Variants in EFHC2 observed in about 807,000 individuals in gnomAD.
The protein encoded by EFHC2 is EF-hand domain containing 2, also known as EF-hand domain-containing family member C2.
EFHC2 carries 18 observed loss-of-function variants against 52.7 expected under a neutral mutation model. That is an observed-to-expected ratio of 0.34 (90% CI 0.24 to 0.51). The LOEUF (loss-of-function observed/expected upper bound fraction) is 0.51. Ranked by LOEUF, EFHC2 falls within the 20% of genes least tolerant of loss-of-function variation. The pLI is 0.97. For synonymous variants in EFHC2, 203 were observed against 204.1 expected, an observed-to-expected ratio of 0.99 and a Z score of 0.04; for missense variants, 513 against 562.5, an observed-to-expected ratio of 0.91 and a Z score of 0.89.
chrX:44,230,866 C>T (rs1468368048), intron 10 of EFHC2, among the ~76,000 whole-genome samples: 1 of 111,694 alleles, frequency 9.0e-6, no homozygotes, highest in Admixed American at 9.5e-5. Context: ...GCTTCATACA[C>T]ATTATCACAT....
At chrX:44,164,656 G>GA (rs926888780) in intron 13 of EFHC2, among the ~76,000 whole-genome samples, 14 of 111,599 alleles carry the variant, frequency 1.3e-4, no homozygotes, top group South Asian at 3.7e-4. Context: ...TTAAAAAACA[G>GA]AAAAAATATG....
chrX:44,246,786 C>G (rs2037404345), intron 7 of EFHC2, among the ~76,000 whole-genome samples: 1 of 111,931 alleles, frequency 8.9e-6, no homozygotes, highest in African/African-American at 3.3e-5. Flanking sequence ...AGCTGACAGA[C>G]AAACATCAAC....
chrX:44,278,054 G>T (rs1484168724), intron 2 of EFHC2, among the ~76,000 whole-genome samples: 1 of 111,980 alleles, frequency 8.9e-6, no homozygotes, highest in African/African-American at 3.2e-5. Flanking sequence ...CCTTGGCTAT[G>T]CATTGGGAAC....
chrX:44,230,156 T>C (rs2037264837), intron 10 of EFHC2, among the ~76,000 whole-genome samples: 1 of 111,190 alleles, frequency 9.0e-6, no homozygotes, highest in Non-Finnish European at 1.9e-5. Context: ...TAGCCCTCCA[T>C]TTTCTCTAGA....
At chrX:44,229,611 A>C in intron 11 of EFHC2, 38 bp downstream of exon 11, 3 of 1,205,230 alleles carry the variant, frequency 2.5e-6, no homozygotes, top group South Asian at 1.8e-5. Context: ...GACAACCTTG[A>C]GGGGAAAACA....
chrX:44,301,632 C>T (rs1012548245), intron 2 of EFHC2, among the ~76,000 whole-genome samples: 1 of 111,964 alleles, frequency 8.9e-6, no homozygotes, highest in African/African-American at 3.2e-5. Flanking sequence ...GTGTAATCAT[C>T]ACCACAATCC....
chrX:44,267,869 T>C (rs940518018), intron 3 of EFHC2, among the ~76,000 whole-genome samples: 2 of 112,116 alleles, frequency 1.8e-5, no homozygotes, highest in East Asian at 5.6e-4. Flanking sequence ...GAAGAAGGCA[T>C]TTAAATGATT....
At chrX:44,151,503 TCATTC>T (rs2036570194) in intron 14 of EFHC2, among the ~76,000 whole-genome samples, 1 of 111,386 alleles carries the variant, frequency 9.0e-6, no homozygotes, top group South Asian at 3.8e-4. Context: ...TGGCTGGCAG[TCATTC>T]CTTGGCTTGT....
chrX:44,227,101 C>A (rs996585768), intron 11 of EFHC2, among the ~76,000 whole-genome samples: 1 of 110,048 alleles, frequency 9.1e-6, no homozygotes, highest in East Asian at 2.9e-4. Context: ...TGAAATAAGT[C>A]ATAAGGCTAA....
intron 2 of EFHC2, among the ~76,000 whole-genome samples, chrX:44,291,433 T>C (rs1272332994): frequency 2.7e-5 from 3 of 112,200 alleles, no homozygotes; most frequent in African/African-American, 6.5e-5. Context: ...TACAAAAATA[T>C]CATAAACCTA....
intron 11 of EFHC2, among the ~76,000 whole-genome samples, chrX:44,185,346 C>T (rs906144915): frequency 9.0e-6 from 1 of 111,654 alleles, no homozygotes; most frequent in African/African-American, 3.3e-5. Context: ...ATCTGAAATG[C>T]TCCATAAATA....
At chrX:44,220,052 G>A (rs2037181911) in intron 11 of EFHC2, among the ~76,000 whole-genome samples, 1 of 111,446 alleles carries the variant, frequency 9.0e-6, no homozygotes, top group African/African-American at 3.3e-5. Flanking sequence ...ATTGCTCATT[G>A]TAAAAAAAAG....
intron 3 of EFHC2, among the ~76,000 whole-genome samples, chrX:44,268,972 T>C (rs758117691): frequency 9.0e-6 from 1 of 111,380 alleles, no homozygotes; most frequent in East Asian, 2.8e-4. Context: ...AGGGAGTGGA[T>C]AGTGTATCAG....
chrX:44,288,381 T>C (rs1051318668), intron 2 of EFHC2, among the ~76,000 whole-genome samples: 1 of 109,338 alleles, frequency 9.1e-6, no homozygotes, highest in African/African-American at 3.3e-5. Flanking sequence ...AGAATTAAAG[T>C]AGCTTGTAGT....
chrX:44,271,671 A>G (rs1282356595), intron 3 of EFHC2, among the ~76,000 whole-genome samples: 1 of 110,546 alleles, frequency 9.0e-6, no homozygotes, highest in Admixed American at 9.6e-5. Context: ...ACGAGGGAAC[A>G]AACAAATCTG....
chrX:44,232,421 GA>G, intron 10 of EFHC2, 59 bp downstream of exon 10: 1 of 935,939 alleles, frequency 1.1e-6, no homozygotes, highest in African/African-American at 2.0e-5. Context: ...CCTAGAGAAA[GA>G]AAAACACAGA....
At position 44,148,350 on chromosome X, in the gene EFHC2, T is replaced by C. The variant is rs2036540028; in HGVS notation, c.*445A>G. On this transcript the variant is annotated 3_prime_UTR_variant, in exon 15 of 15. Coordinates refer to ENST00000420999, the MANE Select transcript of EFHC2 (RefSeq NM_025184.4). ...TAAGAATTATTTTGATGAGGTGGGTTGCTACAAAACTTAATTATGTAAGTA... is the reference window on the plus strand; with the variant it reads ...TAAGAATTATTTTGATGAGGTGGGTCGCTACAAAACTTAATTATGTAAGTA... The C allele has an allele frequency of 8.4e-6, 1 of 119,011 alleles. No homozygotes were observed. Among genetic ancestry groups the C allele is most frequent in the Non-Finnish European group, 1.7e-5 (1 of 59,139 alleles). 9.8% of individuals were successfully genotyped at this position (119,011 alleles called of 1,213,427 possible). A position where few individuals can be genotyped will look rare whatever the true frequency, so the allele number is the denominator to read the frequency against.
chrX:44,320,510 G>T (rs1476334519), intron 1 of EFHC2, among the ~76,000 whole-genome samples: 1 of 111,567 alleles, frequency 9.0e-6, no homozygotes, highest in Non-Finnish European at 1.9e-5. Context: ...AAAAGTGACT[G>T]CAGTCAATTT....
chrX:44,148,907 A>G lies in EFHC2; in HGVS notation c.2149-11T>C, dbSNP rs766761247. The stretch of plus-strand genomic sequence containing the variant: ...AACATCTTCACATCTCTAGAAAAAA[A>G]CCAAAAATGGATATGATTAGAACCA... On this transcript the variant is annotated splice_polypyrimidine_tract_variant and intron_variant, in intron 14 of 14. Coordinates refer to ENST00000420999, the MANE Select transcript of EFHC2 (RefSeq NM_025184.4). 4 of 1,147,599 alleles carry G rather than the reference A, an allele frequency of 3.5e-6. No individual in the cohort carries two copies. The Admixed American group carries it at 1.0e-4, about 30-fold the overall frequency. The allele number at this position is 1,147,599 out of a possible 1,213,427, so 94.6% of individuals were successfully genotyped here. A position where few individuals can be genotyped will look rare whatever the true frequency, so the allele number is the denominator to read the frequency against.
Sources: allele counts gnomAD v4.1 joint callset (sites outside exome capture counted in the v4.1 genomes callset), GRCh38; gene constraint gnomAD v4.1.1; transcripts MANE v1.5; gene names NCBI Gene and HGNC (gene_info 2026-07-23, HGNC 2026-07-21).